Variants in TNR observed in about 807,000 individuals in gnomAD.
TNR encodes tenascin-R.
A neutral mutation model predicts 150.4 loss-of-function variants in TNR; 45 were observed. That is an observed-to-expected ratio of 0.30 (90% CI 0.24 to 0.38). The LOEUF (loss-of-function observed/expected upper bound fraction) is 0.38, where lower values mean the gene tolerates loss of function less well. TNR is among the 10% of genes least tolerant of loss of function. The probability of loss-of-function intolerance (pLI) is 1.00; values close to 1 mark genes in which losing one functional copy is unlikely to be tolerated. For missense variants in TNR, 1,544 were observed against 1,759.1 expected, an observed-to-expected ratio of 0.88 and a Z score of 2.19; for synonymous variants, 687 against 678.4, an observed-to-expected ratio of 1.01 and a Z score of -0.20.
chr1:175,365,113 A>G lies in TNR; in HGVS notation c.2484T>C (p.His828=), dbSNP rs769281711. The change falls in exon 12 of 23, where the codon CAT becomes CAC. Residue 828 remains histidine, a synonymous_variant. Transcript: ENST00000367674. ...CTGGTTGCAGGCCCATCAGGACAGC[A>G]TGCCTCTTGGTGGCATCCAGGGAGA... ...MEVSLDATKR[H]AVLMGLQPAT... 23 of 1,613,876 alleles carry G rather than the reference A, an allele frequency of 1.4e-5. No individual in the cohort carries two copies. The African/African-American group carries it at 3.1e-4, about 22-fold the overall frequency.
intron 1 of TNR, among the ~76,000 whole-genome samples, chr1:175,698,369 C>G (rs1398914165): frequency 6.6e-6 from 1 of 152,076 alleles, no homozygotes; most frequent in Admixed American, 6.5e-5. Context: ...CGTGAAGGAA[C>G]CGAGGAATTC....
intron 2 of TNR, among the ~76,000 whole-genome samples, chr1:175,416,375 T>C (rs1654447718): frequency 6.6e-6 from 1 of 152,210 alleles, no homozygotes; most frequent in South Asian, 2.1e-4. Context: ...CTTCAGCAGC[T>C]GCCTCTATCC....
chr1:175,323,578 T>A, intron 22 of TNR, 102 bp from the exon 23 acceptor site: 1 of 1,508,192 alleles, frequency 6.6e-7, no homozygotes, highest in Non-Finnish European at 8.9e-7. Context: ...CAATGTGGGG[T>A]TAGCTATTTT....
chr1:175,439,710 C>T (rs561171553), intron 2 of TNR, among the ~76,000 whole-genome samples: 19 of 152,254 alleles, frequency 1.2e-4, no homozygotes, highest in African/African-American at 3.6e-4. Context: ...AGAAAGTGGG[C>T]GAAGGATATG....
chr1:175,440,548 T>A (rs7514113), intron 2 of TNR, among the ~76,000 whole-genome samples: 75,340 of 150,038 alleles, frequency 0.5, 20,590 homozygotes, highest in African/African-American at 0.74. Flanking sequence ...TAAAATAAAA[T>A]AAAGGAAAAA....
At chr1:175,515,407 G>A (rs573084757) in intron 2 of TNR, among the ~76,000 whole-genome samples, 1 of 152,314 alleles carries the variant, frequency 6.6e-6, no homozygotes, top group African/African-American at 2.4e-5. Flanking sequence ...TTCAGTCTAG[G>A]TTTGGGGGTA....
intron 1 of TNR, among the ~76,000 whole-genome samples, chr1:175,672,576 C>G (rs1471096623): frequency 2.6e-5 from 4 of 152,242 alleles, no homozygotes; most frequent in African/African-American, 9.6e-5. Flanking sequence ...TTTCTGCAGG[C>G]CTTCTCAGTG....
intron 2 of TNR, among the ~76,000 whole-genome samples, chr1:175,477,191 T>C (rs1657581828): frequency 6.6e-6 from 1 of 152,206 alleles, no homozygotes; most frequent in Non-Finnish European, 1.5e-5. Context: ...ATAATATATA[T>C]AGACATTGTA....
intron 2 of TNR, among the ~76,000 whole-genome samples, chr1:175,435,208 C>T (rs935442085): frequency 5.9e-5 from 9 of 152,030 alleles, no homozygotes; most frequent in East Asian, 1.9e-4. Flanking sequence ...CCAGTTAGGA[C>T]GGGGGTGAGA....
chr1:175,641,875 G>A (rs1664673247), intron 1 of TNR, among the ~76,000 whole-genome samples: 1 of 152,104 alleles, frequency 6.6e-6, no homozygotes, highest in Non-Finnish European at 1.5e-5. Context: ...TATCAGTACA[G>A]GAAGAAAATG....
In TNR at chr1:175,706,618, A is replaced by G. The variant is rs139672314; in HGVS notation, c.-165+36608T>C. 9.0e-4 allele frequency among the ~76,000 whole-genome samples: 137 copies of G among 152,184 alleles called. 2 individuals are homozygous for G. The East Asian group carries it at 0.011, about 12-fold the overall frequency. Reference sequence around the variant, plus strand: ...TGAAAAAACAGGATAGAAACATACCATCTCCCGAGGGAACCACCTTCTGAT... The same window carrying G: ...TGAAAAAACAGGATAGAAACATACCGTCTCCCGAGGGAACCACCTTCTGAT... On this transcript the variant is annotated intron_variant, in intron 1 of 22. Transcript: ENST00000367674.
chr1:175,591,859 G>T (rs10913024), intron 1 of TNR, among the ~76,000 whole-genome samples: 1 of 152,008 alleles, frequency 6.6e-6, no homozygotes, highest in African/African-American at 2.4e-5. Context: ...TGTGGAAGTG[G>T]GAGTTTTAAA....
intron 21 of TNR, among the ~76,000 whole-genome samples, chr1:175,329,165 T>G (rs1440792841): frequency 6.6e-6 from 1 of 152,230 alleles, no homozygotes; most frequent in Non-Finnish European, 1.5e-5. Flanking sequence ...AACACCTTAA[T>G]GCTCTTCTTA....
chr1:175,704,576 C>A (rs1027152832), intron 1 of TNR, among the ~76,000 whole-genome samples: 1 of 152,226 alleles, frequency 6.6e-6, no homozygotes, highest in Non-Finnish European at 1.5e-5. Flanking sequence ...CCTCCTTCCC[C>A]CTTTCTCCAG....
At chr1:175,708,027 TG>T (rs1379355524) in intron 1 of TNR, among the ~76,000 whole-genome samples, 5 of 130,744 alleles carry the variant, frequency 3.8e-5, no homozygotes, top group Non-Finnish European at 8.4e-5. Flanking sequence ...TTTGTGTGTG[TG>T]TGTGTGTGTG....
At chr1:175,569,331 G>A (rs1661769953) in intron 1 of TNR, among the ~76,000 whole-genome samples, 1 of 152,122 alleles carries the variant, frequency 6.6e-6, no homozygotes, top group African/African-American at 2.4e-5. Context: ...CCAGCAGAGG[G>A]CTGTCCCATG....
At chr1:175,427,897 C>G (rs937994141) in intron 2 of TNR, among the ~76,000 whole-genome samples, 146 of 111,010 alleles carry the variant, frequency 1.3e-3, no homozygotes, top group African/African-American at 6.5e-3. Flanking sequence ...TCGCTTCCTT[C>G]CTTCCTTCCT....
intron 2 of TNR, among the ~76,000 whole-genome samples, chr1:175,422,959 A>G (rs1263644114): frequency 6.6e-6 from 1 of 152,160 alleles, no homozygotes; most frequent in Non-Finnish European, 1.5e-5. Flanking sequence ...GATTCTAGAG[A>G]AGGGTCATTG....
At chr1:175,544,914 T>C (rs2102192984) in intron 1 of TNR, among the ~76,000 whole-genome samples, 1 of 152,352 alleles carries the variant, frequency 6.6e-6, no homozygotes, top group East Asian at 1.9e-4. Context: ...ATAGACACTA[T>C]ACCCAAGCAG....
Sources: gnomAD v4.1 joint callset for allele counts (sites outside exome capture counted in the v4.1 genomes callset) on GRCh38, gnomAD v4.1.1 for gene constraint, MANE v1.5 for transcripts, NCBI Gene and HGNC (gene_info 2026-07-23, HGNC 2026-07-21) for gene names.